The following PCSK1 variants were observed in gnomAD, a reference collection of about 807,000 sequenced individuals.
PCSK1 encodes neuroendocrine convertase 1.
A neutral mutation model predicts 90.6 loss-of-function variants in PCSK1; 56 were observed. The ratio of observed to expected loss-of-function variants is 0.62; its 90% confidence interval spans 0.50 to 0.77. The LOEUF (loss-of-function observed/expected upper bound fraction) is 0.77. PCSK1 is among the 30% of genes least tolerant of loss of function. The probability of loss-of-function intolerance (pLI) is 0.00; values close to 1 mark genes in which losing one functional copy is unlikely to be tolerated. For synonymous variants in PCSK1, 348 were observed against 342.4 expected (o/e 1.02, Z -0.18); for missense variants, 801 against 932.6 (o/e 0.86, Z 1.84).
chr5:96,419,215 A>G (rs757007418), intron 5 of PCSK1, among the ~76,000 whole-genome samples: 10 of 151,516 alleles, frequency 6.6e-5, no homozygotes, highest in Non-Finnish European at 1.3e-4. Context: ...CAATTTGTTT[A>G]AATGCCAGAT....
In PCSK1 at chr5:96,390,759, A is replaced by G. The variant is rs1759911850; in HGVS notation, c.*2242T>C. The G allele has an allele frequency of 6.6e-6, 1 of 152,614 alleles. No homozygotes were observed. Among genetic ancestry groups the G allele is most frequent in the African/African-American group, 2.4e-5 (1 of 41,462 alleles). The allele number at this position is 152,614 out of a possible 1,614,324, so 9.5% of individuals were successfully genotyped here. A position where few individuals can be genotyped will look rare whatever the true frequency, so the allele number is the denominator to read the frequency against. On this transcript the variant is annotated 3_prime_UTR_variant, in exon 14 of 14. Transcript: ENST00000311106. ...ATAGTATATAAGTTTTCTCTTTGAC[A>G]TTTTCACAAAAATCCACACAGGCAC... is the stretch of plus-strand genomic sequence containing the variant.
chr5:96,414,230 G>A (rs553598386), intron 6 of PCSK1, among the ~76,000 whole-genome samples: 6 of 152,056 alleles, frequency 3.9e-5, no homozygotes, highest in Non-Finnish European at 8.8e-5. Flanking sequence ...TTCTTCAACT[G>A]TAAAATAGGG....
chr5:96,427,208 G>C (rs1218193804), intron 2 of PCSK1, among the ~76,000 whole-genome samples: 2 of 152,116 alleles, frequency 1.3e-5, no homozygotes, highest in Non-Finnish European at 2.9e-5. Context: ...TGAAAACCAA[G>C]AGCAATTTTT....
intron 2 of PCSK1, among the ~76,000 whole-genome samples, chr5:96,426,530 C>T (rs969282394): frequency 4.6e-5 from 7 of 152,190 alleles, no homozygotes; most frequent in African/African-American, 7.2e-5. Context: ...ACCACGCACA[C>T]TTACCATTAA....
At chr5:96,420,787 A>AGAG (rs1761102915) in intron 5 of PCSK1, among the ~76,000 whole-genome samples, 2 of 143,350 alleles carry the variant, frequency 1.4e-5, no homozygotes, top group African/African-American at 2.6e-5. Flanking sequence ...GAGAGAGAGA[A>AGAG]AGAGAGAGAG....
rs138969439 is a variant in PCSK1, at chr5:96,407,948, G to A, written c.1196+275C>T. On this transcript the variant is annotated intron_variant, in intron 9 of 13. Transcript: ENST00000311106. ...GGTCAAAGCATATTGATTTAGACAG[G>A]AGAAAGTATGTTTAATATATTGTAG... 3.2e-3 allele frequency among the ~76,000 whole-genome samples: 493 copies of A among 152,316 alleles called. 15 individuals carry two copies. The highest frequency in any genetic ancestry group is 0.029 in the Admixed American group (449 of 15,298).
At chr5:96,406,306 C>A (rs1031773991) in intron 9 of PCSK1, among the ~76,000 whole-genome samples, 4 of 152,120 alleles carry the variant, frequency 2.6e-5, no homozygotes, top group African/African-American at 9.7e-5. Context: ...AATTATTTCT[C>A]GGTTAATTTG....
At chr5:96,425,742 AAT>A in intron 3 of PCSK1, 76 bp downstream of exon 3, 1 of 800,300 alleles carries the variant, frequency 1.2e-6, no homozygotes, top group Non-Finnish European at 2.2e-6. Context: ...AAAAAAAAAA[AAT>A]CCATGTTGCA....
chr5:96,406,441 T>C (rs920795052), intron 9 of PCSK1, among the ~76,000 whole-genome samples: 4 of 152,224 alleles, frequency 2.6e-5, no homozygotes, highest in African/African-American at 9.6e-5. Flanking sequence ...CTATTTCTAA[T>C]TGAGCACCTG....
At chr5:96,411,010 A>G in intron 7 of PCSK1, 24 bp from the exon 8 acceptor site, 1 of 1,509,514 alleles carries the variant, frequency 6.6e-7, no homozygotes, top group Non-Finnish European at 9.2e-7. Flanking sequence ...CAGAATGCAT[A>G]TTATCTGTTA....
chr5:96,429,703 G>A (rs1405858781), intron 1 of PCSK1, among the ~76,000 whole-genome samples: 4 of 152,014 alleles, frequency 2.6e-5, no homozygotes, highest in South Asian at 2.1e-4. Flanking sequence ...GAGAACATGC[G>A]GTATTCGGTT....
At chr5:96,412,586 T>C in intron 6 of PCSK1, 96 bp from the exon 7 acceptor site, 1 of 1,204,396 alleles carries the variant, frequency 8.3e-7, no homozygotes, top group Non-Finnish European at 1.2e-6. Flanking sequence ...TTTAAAGGAT[T>C]TTAAGAGTCA....
chr5:96,433,000 G>A lies in PCSK1; in HGVS notation c.43C>T (p.Leu15Phe), dbSNP rs1425463282. The A allele has an allele frequency of 5.6e-6, 9 of 1,614,236 alleles. No homozygotes were observed. The highest frequency in any genetic ancestry group is 7.6e-6 in the Non-Finnish European group (9 of 1,180,020). ...TTCAGTGCACACCAAGCGCAAAAGAGGACGAAAGCAGTGCACTGCAGACTC... is the reference window on the plus strand; with the variant it reads ...TTCAGTGCACACCAAGCGCAAAAGAAGACGAAAGCAGTGCACTGCAGACTC... ...AWSLQCTAFV[L>F]FCAWCALNSA... Residue 15 changes from leucine to phenylalanine, a missense_variant, in exon 1 of 14, where the codon CTC (leucine) becomes TTC (phenylalanine). Transcript: ENST00000311106.
At chr5:96,415,374 A>G (rs1245996548) in intron 6 of PCSK1, among the ~76,000 whole-genome samples, 1 of 151,850 alleles carries the variant, frequency 6.6e-6, no homozygotes, top group Admixed American at 6.6e-5. Flanking sequence ...TTCCCTCTCT[A>G]TTTTCTGCTG....
chr5:96,415,065 T>C (rs892672953), intron 6 of PCSK1, among the ~76,000 whole-genome samples: 1 of 152,222 alleles, frequency 6.6e-6, no homozygotes, highest in Non-Finnish European at 1.5e-5. Flanking sequence ...AAAACCAAAC[T>C]AAACTTGAAG....
intron 1 of PCSK1, among the ~76,000 whole-genome samples, chr5:96,429,988 A>G (rs1394745380): frequency 1.3e-5 from 2 of 152,248 alleles, no homozygotes; most frequent in Non-Finnish European, 2.9e-5. Flanking sequence ...GTAAGCAGGC[A>G]AACACCTGGG....
chr5:96,432,540 C>T (rs913408525), intron 1 of PCSK1, among the ~76,000 whole-genome samples: 1 of 152,234 alleles, frequency 6.6e-6, no homozygotes, highest in East Asian at 1.9e-4. Flanking sequence ...GAGTGTATCT[C>T]AAGTTCCCTG....
Position 96,432,857 on chromosome 5 carries a change from T to A in PCSK1, c.180+6A>T. On this transcript the variant is annotated splice_donor_region_variant and intron_variant, in intron 1 of 13. Coordinates refer to ENST00000311106, the MANE Select transcript of PCSK1 (RefSeq NM_000439.5). ...CAGAAAGTTTCTTGAAAGTGGAAAC[T>A]CTTACCTGACCCAAAAGGTCATAGC... 3.7e-6 allele frequency: 6 copies of A among 1,612,750 alleles called. No individual in the cohort carries two copies. Among genetic ancestry groups the A allele is most frequent in the Non-Finnish European group, 5.1e-6 (6 of 1,179,626 alleles).
At chr5:96,409,602 C>T (rs1760687011) in intron 8 of PCSK1, among the ~76,000 whole-genome samples, 1 of 152,166 alleles carries the variant, frequency 6.6e-6, no homozygotes, top group South Asian at 2.1e-4. Flanking sequence ...AGATAAGGAA[C>T]AGTCTGTGAA....
Sources: allele counts gnomAD v4.1 joint callset (sites outside exome capture counted in the v4.1 genomes callset), GRCh38; gene constraint gnomAD v4.1.1; transcripts MANE v1.5; gene names NCBI Gene and HGNC (gene_info 2026-07-23, HGNC 2026-07-21).